The following SMC6 variants were observed in gnomAD, a reference collection of about 807,000 sequenced individuals.
SMC6 encodes the protein structural maintenance of chromosomes 6, also known as structural maintenance of chromosomes protein 6.
SMC6 carries 79 observed loss-of-function variants against 142.2 expected under a neutral mutation model. The ratio of observed to expected loss-of-function variants is 0.56; its 90% CI spans 0.46 to 0.67. The LOEUF (loss-of-function observed/expected upper bound fraction) is 0.67, where lower values mean the gene tolerates loss of function less well. SMC6 is among the 30% of genes least tolerant of loss of function. The probability of loss-of-function intolerance (pLI) is 0.00; values close to 1 mark genes in which losing one functional copy is unlikely to be tolerated. For synonymous variants in SMC6, 411 were observed against 412.4 expected (o/e 1.00, Z 0.04); for missense variants, 1,072 against 1,284.0 (o/e 0.83, Z 2.52).
intron 26 of SMC6, among the ~76,000 whole-genome samples, chr2:17,667,808 C>T (rs891056100): frequency 6.6e-6 from 1 of 152,130 alleles, no homozygotes; most frequent in African/African-American, 2.4e-5. Flanking sequence ...TGAAATCACG[C>T]CACTGCACTC....
chr2:17,684,403 C>T (rs1391581207), intron 23 of SMC6, among the ~76,000 whole-genome samples: 1 of 152,166 alleles, frequency 6.6e-6, no homozygotes, highest in Non-Finnish European at 1.5e-5. Context: ...CGCGCTGGCA[C>T]AGCATCCAGA....
At chr2:17,752,762 T>C (rs1671115886) in intron 2 of SMC6, among the ~76,000 whole-genome samples, 1 of 152,230 alleles carries the variant, frequency 6.6e-6, no homozygotes, top group Non-Finnish European at 1.5e-5. Context: ...TATATACTAT[T>C]GTACATGTTA....
chr2:17,676,614 A>AG (rs1449976076), intron 25 of SMC6, among the ~76,000 whole-genome samples: 2 of 152,128 alleles, frequency 1.3e-5, no homozygotes, highest in Non-Finnish European at 2.9e-5. Flanking sequence ...AATTGAGTTG[A>AG]GGCAGTCTGT....
intron 16 of SMC6, among the ~76,000 whole-genome samples, chr2:17,709,381 G>A (rs1044146648): frequency 1.1e-4 from 16 of 152,092 alleles, no homozygotes; most frequent in African/African-American, 3.9e-4. Flanking sequence ...ATTGTAATTT[G>A]GGCTCATGAA....
chr2:17,742,074 C>T (rs1670499185), intron 3 of SMC6, among the ~76,000 whole-genome samples: 1 of 152,142 alleles, frequency 6.6e-6, no homozygotes, highest in Non-Finnish European at 1.5e-5. Flanking sequence ...GCCGGCAACA[C>T]ACACCTGCCC....
At chr2:17,707,986 ATG>A (rs1558350775) in intron 17 of SMC6, among the ~76,000 whole-genome samples, 217 of 114,690 alleles carry the variant, frequency 1.9e-3, no homozygotes, top group African/African-American at 9.9e-3. Flanking sequence ...ACATATGTAT[ATG>A]TATATATATA....
intron 4 of SMC6, among the ~76,000 whole-genome samples, chr2:17,740,079 A>G (rs1670366706): frequency 6.6e-6 from 1 of 151,870 alleles, no homozygotes; most frequent in Non-Finnish European, 1.5e-5. Context: ...TCCTATTCTA[A>G]CTCTCTTTTC....
At chr2:17,687,619 A>G (rs188913693) in intron 23 of SMC6, among the ~76,000 whole-genome samples, 18 of 152,272 alleles carry the variant, frequency 1.2e-4, no homozygotes, top group Admixed American at 3.9e-4. Context: ...ATAAAAAAGA[A>G]CTGTTGCCTA....
chr2:17,739,573 A>T (rs979328870), intron 4 of SMC6, among the ~76,000 whole-genome samples: 4 of 152,202 alleles, frequency 2.6e-5, no homozygotes, highest in South Asian at 4.1e-4. Context: ...TGAACCTGGG[A>T]GGTAGAGGTT....
In SMC6 at chr2:17,714,897, G is replaced by A; in HGVS notation, c.1694C>T (p.Ser565Phe). 6.2e-7 allele frequency: 1 copy of A among 1,613,050 alleles called. No individual in the cohort carries two copies. Among genetic ancestry groups the A allele is most frequent in the South Asian group, 1.1e-5 (1 of 90,914 alleles). Residue 565 changes from serine to phenylalanine, a missense_variant, in exon 16 of 28, where the codon TCT (serine) becomes TTT (phenylalanine). Physicochemically the swap from Ser to Phe is radical, Grantham distance 155. Transcript: ENST00000448223. ...ATCATATATCTCATTCCGAAACTCA[G>A]AAACTATTATCGGTGGCCGTGAGGT... Reference protein sequence around the residue: ...PGTSRPPIIVSEFRNEIYDVR... With the variant: ...PGTSRPPIIVFEFRNEIYDVR...
intron 4 of SMC6, among the ~76,000 whole-genome samples, chr2:17,740,353 T>C (rs533113601): frequency 2.0e-5 from 3 of 152,314 alleles, no homozygotes; most frequent in South Asian, 2.1e-4. Flanking sequence ...CTTCCTATTC[T>C]AGCATTGTCA....
intron 21 of SMC6, among the ~76,000 whole-genome samples, chr2:17,698,100 A>G (rs1668094695): frequency 1.3e-5 from 2 of 152,118 alleles, no homozygotes; most frequent in Non-Finnish European, 2.9e-5. Context: ...CTATAGAGAT[A>G]GAAAGTAGAT....
intron 12 of SMC6, among the ~76,000 whole-genome samples, chr2:17,717,397 T>C (rs547617670): frequency 4.5e-4 from 68 of 152,258 alleles, no homozygotes; most frequent in African/African-American, 1.6e-3. Flanking sequence ...GAAGGCCAGG[T>C]GCTGTGGCTC....
chr2:17,739,760 C>G (rs2125066927), intron 4 of SMC6, among the ~76,000 whole-genome samples: 1 of 151,852 alleles, frequency 6.6e-6, no homozygotes, highest in East Asian at 1.9e-4. Context: ...CTGCAATGAG[C>G]TATGATCACA....
intron 2 of SMC6, among the ~76,000 whole-genome samples, chr2:17,749,083 A>G (rs994429758): frequency 2.6e-5 from 4 of 152,214 alleles, no homozygotes; most frequent in Non-Finnish European, 2.9e-5. Flanking sequence ...TAATTTAATG[A>G]TGATGGATTT....
chr2:17,672,653 T>G (rs1265039405), intron 25 of SMC6, among the ~76,000 whole-genome samples: 1 of 152,208 alleles, frequency 6.6e-6, no homozygotes, highest in African/African-American at 2.4e-5. Flanking sequence ...GAACTTCATA[T>G]GTAGAGGTTA....
intron 23 of SMC6, among the ~76,000 whole-genome samples, chr2:17,691,971 T>C (rs1382602950): frequency 6.6e-6 from 1 of 152,062 alleles, no homozygotes; most frequent in Non-Finnish European, 1.5e-5. Context: ...TCAAAGAGAA[T>C]AAAATACCTA....
At chr2:17,723,311 T>G (rs933539468) in intron 9 of SMC6, among the ~76,000 whole-genome samples, 1 of 152,218 alleles carries the variant, frequency 6.6e-6, no homozygotes, top group Non-Finnish European at 1.5e-5. Flanking sequence ...CATTCTCTTG[T>G]ACAGCAGAGT....
chr2:17,688,249 A>G (rs1180027357), intron 23 of SMC6, among the ~76,000 whole-genome samples: 1 of 152,070 alleles, frequency 6.6e-6, no homozygotes, highest in Non-Finnish European at 1.5e-5. Flanking sequence ...TACTGACTCC[A>G]AGGCTGGGTC....
Sources: gnomAD v4.1 joint callset for allele counts (sites outside exome capture counted in the v4.1 genomes callset) on GRCh38, gnomAD v4.1.1 for gene constraint, MANE v1.5 for transcripts, NCBI Gene and HGNC (gene_info 2026-07-23, HGNC 2026-07-21) for gene names.